The following TXNRD1 variants were observed in gnomAD, a reference collection of about 807,000 sequenced individuals.
The protein encoded by TXNRD1 is thioredoxin reductase 1.
TXNRD1 carries 57 observed loss-of-function variants against 80.3 expected under a neutral mutation model. The observed-to-expected ratio is 0.71, with a 90% confidence interval of 0.57 to 0.89. The LOEUF (loss-of-function observed/expected upper bound fraction) is 0.89, where lower values mean the gene tolerates loss of function less well. Among genes scored for constraint, TXNRD1 ranks in the 40% least tolerant of loss-of-function variants. TXNRD1 has a pLI of 0.00. For synonymous variants in TXNRD1, 291 were observed against 285.2 expected, an observed-to-expected ratio of 1.02 and a Z score of -0.20; for missense variants, 730 against 803.0, an observed-to-expected ratio of 0.91 and a Z score of 1.10.
At chr12:104,253,307 T>G (rs1159406445) in intron 2 of TXNRD1, among the ~76,000 whole-genome samples, 1 of 152,176 alleles carries the variant, frequency 6.6e-6, no homozygotes, top group Non-Finnish European at 1.5e-5. Context: ...CGATGCCACC[T>G]TAGGCTTCAT....
chr12:104,280,269 T>A (rs1460171493), intron 3 of TXNRD1: 1 of 152,248 alleles, frequency 6.6e-6, no homozygotes, highest in Non-Finnish European at 1.5e-5. Context: ...GTGACCTCCA[T>A]GACTCAGCCC....
chr12:104,347,589 C>G (rs140548015), intron 16 of TXNRD1, among the ~76,000 whole-genome samples: 1 of 152,158 alleles, frequency 6.6e-6, no homozygotes, highest in Non-Finnish European at 1.5e-5. Flanking sequence ...CAGTTGTACT[C>G]CAGCTCTGTG....
rs1218283278 is a variant in TXNRD1 at position 104,348,994 on chromosome 12, C to T, written c.*573C>T. The T allele has an allele frequency of 6.5e-6, 1 of 152,724 alleles. No individual in the cohort carries two copies. The highest frequency in any genetic ancestry group is 1.5e-5 in the Non-Finnish European group (1 of 68,426). 9.5% of individuals were successfully genotyped at this position (152,724 alleles called of 1,614,324 possible). A position where few individuals can be genotyped will look rare whatever the true frequency, so the allele number is the denominator to read the frequency against. On this transcript the variant is annotated 3_prime_UTR_variant, in exon 17 of 17. Transcript: ENST00000525566. ...GCTGAAATGGACTGTTCTTTACTGA[C>T]CTGCTCAGCAGTTTCTTCTCTCATA...
intron 4 of TXNRD1, among the ~76,000 whole-genome samples, chr12:104,307,455 T>C (rs1016959574): frequency 6.6e-5 from 10 of 152,208 alleles, no homozygotes; most frequent in Admixed American, 3.3e-4. Flanking sequence ...CTTAAAGGGA[T>C]TAATTCCTAC....
At position 104,310,555 on chromosome 12, in the gene TXNRD1, T is replaced by C. The variant is rs1486070182; in HGVS notation, c.415-735T>C. 2.0e-5 allele frequency among the ~76,000 whole-genome samples: 3 copies of C among 152,228 alleles called. No individual in the cohort carries two copies. The East Asian group carries it at 5.8e-4, about 29-fold the overall frequency. Reference sequence around the variant, plus strand: ...TTAGTAAGCGATAATATTAAATATATCACCAAAATATTGTATGAAACGAAT... The same window carrying C: ...TTAGTAAGCGATAATATTAAATATACCACCAAAATATTGTATGAAACGAAT... On this transcript the variant is annotated intron_variant, in intron 4 of 16. Transcript: ENST00000525566.
intron 3 of TXNRD1, among the ~76,000 whole-genome samples, chr12:104,274,387 A>T (rs1173038327): frequency 6.6e-6 from 1 of 152,144 alleles, no homozygotes; most frequent in South Asian, 2.1e-4. Flanking sequence ...ATAGTGTTTA[A>T]GAATTTAGAG....
At chr12:104,348,255 C>A in intron 16 of TXNRD1, 98 bp from the exon 17 acceptor site, 1 of 1,056,068 alleles carries the variant, frequency 9.5e-7, no homozygotes, top group Non-Finnish European at 1.4e-6. Context: ...TGGTAGTCGC[C>A]TAAGATGGTT....
At chr12:104,232,657 T>C (rs892728725) in intron 1 of TXNRD1, among the ~76,000 whole-genome samples, 2 of 152,174 alleles carry the variant, frequency 1.3e-5, no homozygotes, top group Admixed American at 6.5e-5. Flanking sequence ...CAAGGGCTTT[T>C]ATTGGCTCTG....
intron 1 of TXNRD1, among the ~76,000 whole-genome samples, chr12:104,223,988 A>C (rs933209457): frequency 2.0e-5 from 3 of 152,236 alleles, no homozygotes; most frequent in African/African-American, 7.2e-5. Context: ...TTCTTTTTGC[A>C]TAGGCACTGA....
chr12:104,347,747 C>G (rs4246271), intron 16 of TXNRD1, among the ~76,000 whole-genome samples: 138,044 of 152,286 alleles, frequency 0.91, 62,828 homozygotes, highest in African/African-American at 0.98. Flanking sequence ...ATATATACTA[C>G]ACTGTATGTG....
At chr12:104,272,565 C>T (rs917468516) in intron 3 of TXNRD1, among the ~76,000 whole-genome samples, 5 of 152,060 alleles carry the variant, frequency 3.3e-5, no homozygotes, top group African/African-American at 4.8e-5. Flanking sequence ...GAGGCCAAGG[C>T]GAGCAGATCA....
At chr12:104,221,310 TTTTTA>T (rs112398345) in intron 1 of TXNRD1, among the ~76,000 whole-genome samples, 8 of 152,026 alleles carry the variant, frequency 5.3e-5, no homozygotes, top group African/African-American at 7.2e-5. Flanking sequence ...TTTGTTTGGA[TTTTTA>T]TTTTATTTTA....
chr12:104,225,357 A>T (rs957533096), intron 1 of TXNRD1, among the ~76,000 whole-genome samples: 3 of 152,228 alleles, frequency 2.0e-5, no homozygotes, highest in Admixed American at 6.5e-5. Flanking sequence ...AAGCTAGTGT[A>T]CTTAACCACT....
At chr12:104,252,764 G>A (rs1419141327) in intron 2 of TXNRD1, among the ~76,000 whole-genome samples, 9 of 125,712 alleles carry the variant, frequency 7.2e-5, no homozygotes, top group South Asian at 2.8e-4. Flanking sequence ...GTGCAGTGGC[G>A]CGATCTCAGC....
At chr12:104,288,826 C>T (rs768077008) in intron 3 of TXNRD1, 105 bp from the exon 4 acceptor site, 4 of 1,608,056 alleles carry the variant, frequency 2.5e-6, no homozygotes, top group Non-Finnish European at 2.5e-6. Flanking sequence ...AGAGGGCACG[C>T]GGTGCCTGCG....
chr12:104,265,263 A>AAC lies in TXNRD1; in HGVS notation c.304+7185_304+7186insCA, dbSNP rs1555208871. ...GAGACTCCGTCTTAAAAAAAAAAAA[A>AAC]AAAAAACTTCCTTTTGCGGGTGGCG... On this transcript the variant is annotated intron_variant, in intron 3 of 16. Transcript: ENST00000525566. The AAC allele has an allele frequency of 2.5e-4, 360 of 1,435,186 alleles. 3 individuals carry two copies. The highest frequency in any genetic ancestry group is 2.8e-4 in the Non-Finnish European group (296 of 1,066,572). The allele number at this position is 1,435,186 out of a possible 1,614,324, so 88.9% of individuals were successfully genotyped here.
Position 104,251,741 on chromosome 12 carries a change from A to G in TXNRD1, c.243+63A>G, listed in dbSNP as rs146286089. 3,498 of 1,566,398 alleles carry G rather than the reference A, an allele frequency of 2.2e-3. 5 individuals are homozygous for G. The highest frequency in any genetic ancestry group is 2.7e-3 in the Non-Finnish European group (3,100 of 1,146,626). Reference sequence around the variant, plus strand: ...AGGAATTTGACAGACTTTTGAGCTCAAATGTAAACAACTGGATTTTACCTT... The same window carrying G: ...AGGAATTTGACAGACTTTTGAGCTCGAATGTAAACAACTGGATTTTACCTT... On this transcript the variant is annotated intron_variant, in intron 2 of 16. Coordinates refer to ENST00000525566, the MANE Select transcript of TXNRD1 (RefSeq NM_001093771.3).
intron 3 of TXNRD1, among the ~76,000 whole-genome samples, chr12:104,288,086 G>A (rs1050323573): frequency 6.6e-6 from 1 of 152,126 alleles, no homozygotes; most frequent in African/African-American, 2.4e-5. Flanking sequence ...CGCCCCCTGG[G>A]TTCAAGCGAT....
chr12:104,326,061 A>G (rs376191617), intron 11 of TXNRD1, among the ~76,000 whole-genome samples: 1 of 152,186 alleles, frequency 6.6e-6, no homozygotes, highest in Non-Finnish European at 1.5e-5. Context: ...GTTACAGACT[A>G]TGATGTCATT....
Sources: gnomAD v4.1 joint callset for allele counts (sites outside exome capture counted in the v4.1 genomes callset) on GRCh38, gnomAD v4.1.1 for gene constraint, MANE v1.5 for transcripts, NCBI Gene and HGNC (gene_info 2026-07-23, HGNC 2026-07-21) for gene names.